GPHN: variants seen among roughly 807,000 people sequenced by gnomAD.
GPHN encodes the protein gephyrin.
A neutral mutation model predicts 95.5 loss-of-function variants in GPHN; 17 were observed. The ratio of observed to expected loss-of-function variants is 0.18; its 90% confidence interval spans 0.12 to 0.27. GPHN has a LOEUF of 0.27. Among genes scored for constraint, GPHN ranks in the 10% least tolerant of loss-of-function variants. The probability of loss-of-function intolerance (pLI) is 1.00; values close to 1 mark genes in which losing one functional copy is unlikely to be tolerated. For synonymous variants in GPHN, 320 were observed against 322.5 expected, an observed-to-expected ratio of 0.99 and a Z score of 0.08; for missense variants, 660 against 978.1, an observed-to-expected ratio of 0.67 and a Z score of 4.34.
At chr14:66,634,453 A>AGGGGT (rs1190573420) in intron 1 of GPHN, among the ~76,000 whole-genome samples, 2 of 152,034 alleles carry the variant, frequency 1.3e-5, no homozygotes, top group African/African-American at 4.8e-5. Context: ...TTGGTGGGGA[A>AGGGGT]GGGGTCATCA....
the GPHN span, among the ~76,000 whole-genome samples, chr14:67,537,496 C>T: frequency 6.6e-6 from 1 of 151,520 alleles, no homozygotes. Flanking sequence ...GAAACCTTGT[C>T]TTTACAAAAA....
At chr14:67,564,929 G>A in the GPHN span, among the ~76,000 whole-genome samples, 6 of 152,060 alleles carry the variant, frequency 3.9e-5, no homozygotes, top group East Asian at 9.6e-4. Context: ...AGGCTCAGGT[G>A]GTCCTCCCAC....
intron 11 of GPHN, among the ~76,000 whole-genome samples, chr14:67,072,415 C>G (rs2076346306): frequency 6.6e-6 from 1 of 152,056 alleles, no homozygotes; most frequent in Admixed American, 6.6e-5. Flanking sequence ...TTGAGTGATT[C>G]ACTTTCTCAT....
At chr14:66,983,845 C>T (rs1203627202) in intron 9 of GPHN, among the ~76,000 whole-genome samples, 1 of 152,124 alleles carries the variant, frequency 6.6e-6, no homozygotes, top group South Asian at 2.1e-4. Flanking sequence ...GAGAGACAGA[C>T]AGACATAGTA....
the GPHN span, chr14:67,586,245 T>A: frequency 1.8e-6 from 2 of 1,135,212 alleles, no homozygotes; most frequent in South Asian, 1.3e-5. Context: ...ATTCCAAAGG[T>A]TCAGGTGGTG....
chr14:67,347,098 C>T, the GPHN span, among the ~76,000 whole-genome samples: 38 of 152,194 alleles, frequency 2.5e-4, no homozygotes, highest in African/African-American at 9.2e-4. Context: ...ATCCTCCCTC[C>T]TCAGCCCTGG....
At chr14:66,966,135 A>G (rs2069308865) in intron 9 of GPHN, among the ~76,000 whole-genome samples, 1 of 152,160 alleles carries the variant, frequency 6.6e-6, no homozygotes, top group Admixed American at 6.5e-5. Context: ...ATGATGTTAG[A>G]CACTAAATTT....
chr14:67,562,570 A>T, the GPHN span: 6 of 1,612,264 alleles, frequency 3.7e-6, no homozygotes, highest in Middle Eastern at 9.9e-4. Context: ...TGACCCTACC[A>T]AAGGTGCGGG....
rs192433369 is a variant in GPHN, at chr14:66,721,602, C to T, written c.143+40417C>T. On this transcript the variant is annotated intron_variant, in intron 2 of 22. Coordinates refer to ENST00000478722, the MANE Select transcript of GPHN (RefSeq NM_020806.5). ...AAGAGACAAATCCTTTGATATTTTC[C>T]AGGAACCCTCTGGGAACTCTCAATG... Among the ~76,000 whole-genome samples the T allele has an allele frequency of 5.3e-5, 8 of 152,110 alleles. No homozygotes were observed. The East Asian group carries it at 1.4e-3, about 26-fold the overall frequency.
At chr14:67,587,206 T>G in the GPHN span, 1 of 1,613,940 alleles carries the variant, frequency 6.2e-7, no homozygotes, top group Non-Finnish European at 8.5e-7. Context: ...TTCTGTTTCC[T>G]GTGCTACCAA....
intron 18 of GPHN, among the ~76,000 whole-genome samples, chr14:67,151,508 G>A (rs990190966): frequency 6.6e-6 from 1 of 152,188 alleles, no homozygotes; most frequent in Non-Finnish European, 1.5e-5. Context: ...TATTGGCCGT[G>A]TGCAGAAACA....
chr14:67,112,647 G>T (rs1000198695), intron 15 of GPHN, among the ~76,000 whole-genome samples: 1 of 152,038 alleles, frequency 6.6e-6, no homozygotes, highest in Non-Finnish European at 1.5e-5. Context: ...GCTAGATATT[G>T]CCATACAAAT....
the GPHN span, chr14:67,646,780 C>A: frequency 1.3e-6 from 2 of 1,532,992 alleles, no homozygotes; most frequent in Non-Finnish European, 1.8e-6. Flanking sequence ...CCTGTCCTAG[C>A]CAATTATGTT....
chr14:66,655,221 T>G (rs757205059), intron 1 of GPHN, among the ~76,000 whole-genome samples: 1 of 152,198 alleles, frequency 6.6e-6, no homozygotes, highest in Admixed American at 6.5e-5. Context: ...ATTAATATTT[T>G]TAAATGTTGA....
chr14:67,734,003 C>T, the GPHN span: 10 of 614,680 alleles, frequency 1.6e-5, no homozygotes, highest in African/African-American at 5.5e-5. Context: ...AATGTTTGCA[C>T]ACCTGACACT....
the GPHN span, among the ~76,000 whole-genome samples, chr14:67,233,341 C>T: frequency 3.3e-5 from 5 of 152,048 alleles, no homozygotes; most frequent in Admixed American, 2.0e-4. Flanking sequence ...AGGGTTTTAC[C>T]ATGTTGCCCA....
At chr14:67,070,778 C>T (rs72715332) in intron 11 of GPHN, among the ~76,000 whole-genome samples, 9,595 of 146,052 alleles carry the variant, frequency 0.066, 332 homozygotes, top group Non-Finnish European at 0.081. Flanking sequence ...TCCCCCAGTA[C>T]TGTGGGTCCC....
At chr14:67,301,829 T>G in the GPHN span, 4 of 975,272 alleles carry the variant, frequency 4.1e-6, no homozygotes, top group Non-Finnish European at 5.7e-6. Context: ...TTAGTATACT[T>G]AACACATCTT....
In GPHN at chr14:66,951,894, A is replaced by T. The variant is rs557557275; in HGVS notation, c.829-13297A>T. ...GAAATTGGACCCCCTATCTCACAGT[A>T]TACAAAAATCAACTCCAGGTGTATT... On this transcript the variant is annotated intron_variant, in intron 8 of 22. Coordinates refer to ENST00000478722, the MANE Select transcript of GPHN (RefSeq NM_020806.5). Among the ~76,000 whole-genome samples, 6 of 152,300 alleles carry T rather than the reference A, an allele frequency of 3.9e-5. No homozygotes were observed. The South Asian group carries it at 1.2e-3, about 32-fold the overall frequency.
Sources: allele counts gnomAD v4.1 joint callset (sites outside exome capture counted in the v4.1 genomes callset), GRCh38; gene constraint gnomAD v4.1.1; transcripts MANE v1.5; gene names NCBI Gene and HGNC (gene_info 2026-07-23, HGNC 2026-07-21).